Variants in SLC5A11 observed in about 807,000 individuals in gnomAD.
SLC5A11 encodes sodium/myo-inositol cotransporter 2.
SLC5A11 carries 48 observed loss-of-function variants against 69.8 expected under a neutral mutation model. The observed-to-expected ratio is 0.69, with a 90% confidence interval of 0.55 to 0.87. The LOEUF (loss-of-function observed/expected upper bound fraction) is 0.87. SLC5A11 is among the 40% of genes least tolerant of loss of function. The pLI is 0.00. For synonymous variants in SLC5A11, 319 were observed against 342.4 expected, an observed-to-expected ratio of 0.93 and a Z score of 0.75; for missense variants, 784 against 866.1, an observed-to-expected ratio of 0.91 and a Z score of 1.19.
chr16:24,888,783 CTTTTTT>C (rs1169015317), intron 8 of SLC5A11, among the ~76,000 whole-genome samples: 1 of 45,738 alleles, frequency 2.2e-5, no homozygotes, highest in Admixed American at 2.8e-4. Flanking sequence ...CGTGCCTGTC[CTTTTTT>C]TTTTTTTTTT....
Position 24,879,082 on chromosome 16 carries a change from A to G in SLC5A11, c.583+1719A>G, listed in dbSNP as rs547712543. ...CAGTGTATATTATTATAACCTGAGA[A>G]GTGCTATAAGGAAAAATTAATTGGG... On this transcript the variant is annotated intron_variant, in intron 7 of 15. Coordinates refer to ENST00000347898, the Ensembl canonical transcript of SLC5A11. Among the ~76,000 whole-genome samples the G allele has an allele frequency of 3.3e-5, 5 of 152,282 alleles. No individual in the cohort carries two copies. In the East Asian group the frequency reaches 7.7e-4, roughly 23 times the overall value.
chr16:24,905,640 G>GCA (rs56335988), intron 10 of SLC5A11, among the ~76,000 whole-genome samples: 2,129 of 136,692 alleles, frequency 0.016, 56 homozygotes, highest in East Asian at 0.11. Context: ...GCGCGCGCGC[G>GCA]CACACACACA....
At chr16:24,891,802 C>A (rs1198123385) in intron 9 of SLC5A11, among the ~76,000 whole-genome samples, 1 of 152,166 alleles carries the variant, frequency 6.6e-6, no homozygotes, top group African/African-American at 2.4e-5. Flanking sequence ...AAACAAAGCT[C>A]TCTGCCCTTG....
intron 7 of SLC5A11, among the ~76,000 whole-genome samples, chr16:24,883,829 T>A (rs2048206497): frequency 6.6e-6 from 1 of 152,206 alleles, no homozygotes; most frequent in African/African-American, 2.4e-5. Context: ...CAAGCCCATG[T>A]GAGAAGCGGA....
chr16:24,875,845 C>T, intron 6 of SLC5A11, 114 bp downstream of exon 7: 2 of 844,518 alleles, frequency 2.4e-6, no homozygotes, highest in South Asian at 1.6e-5. Context: ...CTTTCATAGG[C>T]TGCAGGGAGA....
intron 3 of SLC5A11, among the ~76,000 whole-genome samples, chr16:24,864,591 C>CA (rs1026148312): frequency 1.6e-4 from 24 of 151,680 alleles, no homozygotes; most frequent in Admixed American, 5.9e-4. Flanking sequence ...ATAAGGCATG[C>CA]AAAAAAACCC....
intron 4 of SLC5A11, 80 bp downstream of exon 5, chr16:24,870,085 C>A: frequency 3.0e-6 from 3 of 1,016,810 alleles, no homozygotes; most frequent in South Asian, 1.4e-5. Flanking sequence ...GTGTGAATGC[C>A]CTGCACTTTA....
At chr16:24,855,434 CAA>C (rs143252263) in intron 1 of SLC5A11, among the ~76,000 whole-genome samples, 41 of 90,088 alleles carry the variant, frequency 4.6e-4, no homozygotes, top group Admixed American at 1.9e-3. Context: ...TTCATCTCTA[CAA>C]AAAAAAAAAA....
At chr16:24,873,262 GAA>G (rs1252277075) in intron 5 of SLC5A11, among the ~76,000 whole-genome samples, 2 of 140,566 alleles carry the variant, frequency 1.4e-5, no homozygotes, top group African/African-American at 2.8e-5. Flanking sequence ...AGGAAGGAAG[GAA>G]GGAAGGAAGG....
At chr16:24,849,085 G>C (rs2059151942) in intron 1 of SLC5A11, among the ~76,000 whole-genome samples, 1 of 152,276 alleles carries the variant, frequency 6.6e-6, no homozygotes, top group Middle Eastern at 3.4e-3. Flanking sequence ...GGCACATAGA[G>C]GTGCTCACAG....
chr16:24,861,575 A>AAGAAAG (rs1004041614), intron 2 of SLC5A11, among the ~76,000 whole-genome samples: 2 of 146,046 alleles, frequency 1.4e-5, no homozygotes, highest in Non-Finnish European at 3.0e-5. Flanking sequence ...AAGAGAGAGA[A>AAGAAAG]AGAAAGAGAA....
exon 13 of SLC5A11, chr16:24,908,059 C>T: frequency 6.2e-7 from 1 of 1,611,952 alleles, no homozygotes; most frequent in African/African-American, 1.3e-5. Context: ...TCCAGTCCAT[C>T]AGCTCCTACC....
intron 10 of SLC5A11, among the ~76,000 whole-genome samples, chr16:24,905,010 A>T (rs1371383125): frequency 1.3e-5 from 2 of 150,722 alleles, no homozygotes; most frequent in South Asian, 4.2e-4. Context: ...TTATTGTTCA[A>T]CTCCCACTTA....
At chr16:24,884,016 C>T in intron 7 of SLC5A11, 35 bp from the exon 9 acceptor site, 1 of 1,602,394 alleles carries the variant, frequency 6.2e-7, no homozygotes, top group Non-Finnish European at 8.5e-7. Flanking sequence ...TCTCGTTAGA[C>T]TCCCTGACCC....
chr16:24,905,946 GGAA>G (rs1049332346), intron 10 of SLC5A11, among the ~76,000 whole-genome samples: 3 of 152,148 alleles, frequency 2.0e-5, no homozygotes, highest in Non-Finnish European at 4.4e-5. Context: ...TTGGGTTTGT[GGAA>G]GAAGAAGGTT....
chr16:24,849,572 CAAAAAAAAAA>C (rs1182615959), intron 1 of SLC5A11, among the ~76,000 whole-genome samples: 1 of 38,480 alleles, frequency 2.6e-5, no homozygotes, highest in Non-Finnish European at 4.4e-5. Context: ...GCCTTGGGGG[CAAAAAAAAAA>C]AAAAAAAAAA....
chr16:24,887,252 G>A (rs2048457542), intron 8 of SLC5A11, among the ~76,000 whole-genome samples: 1 of 152,092 alleles, frequency 6.6e-6, no homozygotes, highest in Non-Finnish European at 1.5e-5. Flanking sequence ...AAAATCGAGA[G>A]TTGGTATTAT....
intron 11 of SLC5A11, 100 bp from the exon 13 acceptor site, chr16:24,906,925 G>A (rs979418392): frequency 1.1e-5 from 17 of 1,513,444 alleles, no homozygotes; most frequent in African/African-American, 1.4e-5. Flanking sequence ...GCTCTGCCCC[G>A]CCGTCCTCCC....
chr16:24,872,780 C>T (rs1770275993), intron 5 of SLC5A11, among the ~76,000 whole-genome samples: 1 of 151,210 alleles, frequency 6.6e-6, no homozygotes, highest in Non-Finnish European at 1.5e-5. Flanking sequence ...CCTCAGCCTC[C>T]CAATCTGAGT....
Sources: allele counts gnomAD v4.1 joint callset (sites outside exome capture counted in the v4.1 genomes callset), GRCh38; gene constraint gnomAD v4.1.1; transcripts MANE v1.5; gene names NCBI Gene and HGNC (gene_info 2026-07-23, HGNC 2026-07-21).